The following VWC2L variants were observed in gnomAD, a reference collection of about 807,000 sequenced individuals.
The protein encoded by VWC2L is von Willebrand factor C domain containing 2 like.
In VWC2L, 10 loss-of-function variants were observed where a neutral mutation model predicts 21.6. The observed-to-expected ratio is 0.46, with a 90% CI of 0.29 to 0.78. The LOEUF is 0.78. Among genes scored for constraint, VWC2L ranks in the 30% least tolerant of loss-of-function variants. The pLI, the probability that VWC2L is intolerant of heterozygous loss-of-function variation, is 0.10. For synonymous variants in VWC2L, 96 were observed against 94.3 expected, an observed-to-expected ratio of 1.02 and a Z score of -0.10; for missense variants, 209 against 277.1, an observed-to-expected ratio of 0.75 and a Z score of 1.74.
At chr2:214,518,999 T>G (rs1002267586) in intron 3 of VWC2L, among the ~76,000 whole-genome samples, 8 of 152,068 alleles carry the variant, frequency 5.3e-5, no homozygotes, top group Admixed American at 6.6e-5. Flanking sequence ...ATCCTAGACC[T>G]ATGGGGAAAA....
chr2:214,559,253 G>A (rs1689925809), intron 3 of VWC2L, among the ~76,000 whole-genome samples: 6 of 151,930 alleles, frequency 3.9e-5, no homozygotes, highest in Non-Finnish European at 8.8e-5. Flanking sequence ...ATCATCACTG[G>A]CCATCAGAGA....
At chr2:214,434,174 A>G (rs535700088) in intron 2 of VWC2L, among the ~76,000 whole-genome samples, 3 of 152,170 alleles carry the variant, frequency 2.0e-5, no homozygotes, top group Non-Finnish European at 2.9e-5. Flanking sequence ...AATCAAATAT[A>G]GTCTTATCAC....
Position 214,517,994 on chromosome 2 carries a change from G to A in VWC2L, c.521-57678G>A, listed in dbSNP as rs1002658799. Among the ~76,000 whole-genome samples the A allele has an allele frequency of 7.2e-5, 11 of 152,170 alleles. No individual in the cohort carries two copies. In the East Asian group the frequency reaches 7.8e-4, roughly 11 times the overall value. ...ATCCTGGCTAACACAGTGAAACCCC[G>A]TCTCTACTAAAAATACAAAAAATTA... On this transcript the variant is annotated intron_variant, in intron 3 of 3. Coordinates refer to ENST00000312504, the MANE Select transcript of VWC2L (RefSeq NM_001080500.4).
chr2:214,528,118 AAT>A, intron 3 of VWC2L, among the ~76,000 whole-genome samples: 1 of 152,290 alleles, frequency 6.6e-6, no homozygotes, highest in Admixed American at 6.5e-5. Flanking sequence ...TTGTAAATGG[AAT>A]ATGTTTTCAG....
rs139097771 is a variant in VWC2L at position 214,543,976 on chromosome 2, A to G, written c.521-31696A>G. Among the ~76,000 whole-genome samples, 760 of 152,354 alleles carry G rather than the reference A, an allele frequency of 5.0e-3. 8 individuals are homozygous for G. The highest frequency in any genetic ancestry group is 0.017 in the African/African-American group (722 of 41,586). On this transcript the variant is annotated intron_variant, in intron 3 of 3. Transcript: ENST00000312504. ...GGATCTATAGCGCTTTGCAAGTTAC[A>G]GGAATGTTTTCTCTCTTACGATTGT...
chr2:214,527,118 C>A (rs918269779), intron 3 of VWC2L, among the ~76,000 whole-genome samples: 1 of 152,004 alleles, frequency 6.6e-6, no homozygotes, highest in African/African-American at 2.4e-5. Context: ...GCAGCGAAGG[C>A]CATTATACTA....
chr2:214,557,595 C>T (rs149707591), intron 3 of VWC2L, among the ~76,000 whole-genome samples: 233 of 152,272 alleles, frequency 1.5e-3, no homozygotes, highest in Middle Eastern at 6.8e-3. Flanking sequence ...ATATATTAGG[C>T]GTCCCCAGTC....
chr2:214,457,584 A>G (rs1703074917), intron 3 of VWC2L, among the ~76,000 whole-genome samples: 1 of 152,008 alleles, frequency 6.6e-6, no homozygotes, highest in East Asian at 1.9e-4. Flanking sequence ...AGAAAAAAAG[A>G]CTTTCAGCTT....
chr2:214,422,768 T>A (rs1478006416), intron 2 of VWC2L, among the ~76,000 whole-genome samples: 1 of 152,138 alleles, frequency 6.6e-6, no homozygotes, highest in Non-Finnish European at 1.5e-5. Flanking sequence ...TTTAATGACA[T>A]CATGGAAAGA....
chr2:214,570,567 G>A (rs1379485062), intron 3 of VWC2L, among the ~76,000 whole-genome samples: 2 of 151,964 alleles, frequency 1.3e-5, no homozygotes, highest in East Asian at 3.9e-4. Context: ...GTTTTGCCAT[G>A]TTGCCCAGGC....
At chr2:214,553,305 GC>G (rs995121725) in intron 3 of VWC2L, among the ~76,000 whole-genome samples, 2 of 152,246 alleles carry the variant, frequency 1.3e-5, no homozygotes, top group African/African-American at 4.8e-5. Context: ...CTATGACACA[GC>G]CCCAGGGGAT....
intron 3 of VWC2L, among the ~76,000 whole-genome samples, chr2:214,547,111 A>G (rs1185999217): frequency 1.3e-5 from 2 of 152,206 alleles, no homozygotes; most frequent in African/African-American, 4.8e-5. Flanking sequence ...TTTTAAAATC[A>G]GGATCTGAAG....
At chr2:214,561,935 T>C (rs1390904568) in intron 3 of VWC2L, among the ~76,000 whole-genome samples, 2 of 151,846 alleles carry the variant, frequency 1.3e-5, no homozygotes, top group Non-Finnish European at 2.9e-5. Context: ...TATTTTACAT[T>C]CTTTTTGTCT....
intron 3 of VWC2L, among the ~76,000 whole-genome samples, chr2:214,546,571 G>A (rs1345705826): frequency 6.6e-6 from 1 of 152,048 alleles, no homozygotes; most frequent in South Asian, 2.1e-4. Flanking sequence ...CACAAACCGG[G>A]CAAATTATTG....
chr2:214,470,361 C>T (rs1263046934), intron 3 of VWC2L, among the ~76,000 whole-genome samples: 2 of 152,030 alleles, frequency 1.3e-5, no homozygotes, highest in Non-Finnish European at 2.9e-5. Flanking sequence ...AGTACATATT[C>T]TGTGTGATAT....
chr2:214,574,756 AT>A (rs926761589), intron 3 of VWC2L, among the ~76,000 whole-genome samples: 15 of 151,642 alleles, frequency 9.9e-5, no homozygotes, highest in Middle Eastern at 3.4e-3. Context: ...TTGGGAAGCA[AT>A]TTTTTTTTCC....
intron 3 of VWC2L, among the ~76,000 whole-genome samples, chr2:214,575,037 A>T (rs1421167906): frequency 2.7e-5 from 2 of 75,172 alleles, no homozygotes; most frequent in Non-Finnish European, 2.5e-5. Flanking sequence ...CATTCTTTAA[A>T]AAAAAAAAAA....
At chr2:214,477,166 C>T (rs7604827) in intron 3 of VWC2L, among the ~76,000 whole-genome samples, 124,522 of 152,224 alleles carry the variant, frequency 0.82, 51,807 homozygotes, top group East Asian at 0.99. Context: ...TGAAAAGGGA[C>T]AGAGCTCAAT....
chr2:214,492,309 G>A (rs2126201662), intron 3 of VWC2L, among the ~76,000 whole-genome samples: 1 of 152,310 alleles, frequency 6.6e-6, no homozygotes, highest in Non-Finnish European at 1.5e-5. Context: ...CTCAGAGTGT[G>A]ATGTGTGACA....
Sources: allele counts gnomAD v4.1 joint callset (sites outside exome capture counted in the v4.1 genomes callset), GRCh38; gene constraint gnomAD v4.1.1; transcripts MANE v1.5; gene names NCBI Gene and HGNC (gene_info 2026-07-23, HGNC 2026-07-21).